The following PRMT8 variants were observed in gnomAD, a reference collection of about 807,000 sequenced individuals.
PRMT8 encodes protein arginine N-methyltransferase 8.
In PRMT8, 7 loss-of-function variants were observed where a neutral mutation model predicts 47.1. The observed-to-expected ratio is 0.15, with a 90% CI of 0.08 to 0.28. The LOEUF is 0.28. Among genes scored for constraint, PRMT8 ranks in the 10% least tolerant of loss-of-function variants. The pLI is 1.00. For missense variants in PRMT8, 237 were observed against 505.4 expected, an observed-to-expected ratio of 0.47 and a Z score of 5.09; for synonymous variants, 188 against 186.5, an observed-to-expected ratio of 1.01 and a Z score of -0.07.
At chr12:3,518,113 C>T (rs74057485) in intron 1 of PRMT8, among the ~76,000 whole-genome samples, 5,240 of 151,702 alleles carry the variant, frequency 0.035, 252 homozygotes, top group African/African-American at 0.11. Flanking sequence ...CGCTTGCCCC[C>T]CTCACCATAC....
At chr12:3,533,498 T>C (rs994729540) in intron 1 of PRMT8, among the ~76,000 whole-genome samples, 2 of 152,234 alleles carry the variant, frequency 1.3e-5, no homozygotes, top group Admixed American at 6.5e-5. Context: ...ATTTTATGGG[T>C]GGCCCAAGAC....
intron 1 of PRMT8, among the ~76,000 whole-genome samples, chr12:3,522,202 C>A (rs11062697): frequency 0.14 from 21,470 of 152,052 alleles, 1,724 homozygotes; most frequent in East Asian, 0.27. Context: ...GGACCACTAA[C>A]TTTCCTACTA....
intron 1 of PRMT8, among the ~76,000 whole-genome samples, chr12:3,420,412 C>T (rs1565403145): frequency 6.6e-6 from 1 of 152,160 alleles, no homozygotes; most frequent in Non-Finnish European, 1.5e-5. Context: ...TTTGGTTGCA[C>T]AGCCTATGAA....
At chr12:3,392,305 C>T (rs1318930868) in intron 1 of PRMT8, among the ~76,000 whole-genome samples, 1 of 151,680 alleles carries the variant, frequency 6.6e-6, no homozygotes, top group South Asian at 2.1e-4. Context: ...TGGTGTGCTG[C>T]ACCCGCTAAC....
intron 1 of PRMT8, among the ~76,000 whole-genome samples, chr12:3,416,021 G>A (rs1381675726): frequency 2.6e-5 from 4 of 152,214 alleles, no homozygotes; most frequent in African/African-American, 9.7e-5. Flanking sequence ...AGACATGGCT[G>A]TTGGTGGGAG....
chr12:3,442,270 A>G (rs1864810963), intron 1 of PRMT8, among the ~76,000 whole-genome samples: 1 of 152,234 alleles, frequency 6.6e-6, no homozygotes, highest in South Asian at 2.1e-4. Flanking sequence ...AGAGCTAACG[A>G]TAGGGTGGCT....
intron 7 of PRMT8, among the ~76,000 whole-genome samples, chr12:3,582,337 G>A (rs188630431): frequency 1.9e-4 from 29 of 152,184 alleles, no homozygotes; most frequent in Admixed American, 1.2e-3. Context: ...CATGTTCCAC[G>A]TTCCCCAGCC....
At chr12:3,408,923 G>A (rs1349923279) in intron 1 of PRMT8, among the ~76,000 whole-genome samples, 2 of 152,228 alleles carry the variant, frequency 1.3e-5, no homozygotes, top group Non-Finnish European at 2.9e-5. Flanking sequence ...AGTAGCAAGA[G>A]CTTTTGGGGT....
In PRMT8 at chr12:3,569,361, C is replaced by A; in HGVS notation, c.625-116C>A. The A allele has an allele frequency of 4.7e-6, 4 of 857,380 alleles. No individual in the cohort carries two copies. In the South Asian group the frequency reaches 5.5e-5, roughly 12 times the overall value. The allele number at this position is 857,380 out of a possible 1,614,324, so 53.1% of individuals were successfully genotyped here. A position where few individuals can be genotyped will look rare whatever the true frequency, so the allele number is the denominator to read the frequency against. ...CCCCAGACAAGGTGACAGTCCACTG[C>A]ATGAGAGATGGTGGCAAGGGGGTGC... On this transcript the variant is annotated intron_variant, in intron 5 of 9. Coordinates refer to ENST00000382622, the MANE Select transcript of PRMT8 (RefSeq NM_019854.5). The surrounding 1 kb of genome is among the most constrained non-coding windows in gnomAD (Gnocchi z 8.2).
intron 1 of PRMT8, among the ~76,000 whole-genome samples, chr12:3,533,148 C>T (rs973857277): frequency 1.3e-5 from 2 of 152,254 alleles, no homozygotes; most frequent in Non-Finnish European, 2.9e-5. Flanking sequence ...GGACAGCCGA[C>T]CCTCTGTGAC....
chr12:3,404,749 C>T (rs1311260085), intron 1 of PRMT8, among the ~76,000 whole-genome samples: 1 of 152,132 alleles, frequency 6.6e-6, no homozygotes, highest in Non-Finnish European at 1.5e-5. Context: ...ATTAAACTCT[C>T]TCTCTATGAG....
At chr12:3,577,644 G>A (rs1268130354) in intron 7 of PRMT8, among the ~76,000 whole-genome samples, 3 of 151,116 alleles carry the variant, frequency 2.0e-5, no homozygotes, top group Admixed American at 6.6e-5. Flanking sequence ...ACACAAATTC[G>A]TAAACTTAAA....
Position 3,409,710 on chromosome 12 carries a change from T to C in PRMT8, c.48+28268T>C, listed in dbSNP as rs1414817918. ...GCCACATCAGCTCAGCCCTGGAAGA[T>C]GCAGCTGCTCAGCTCATCCAAGGCA... On this transcript the variant is annotated intron_variant, in intron 1 of 9. Transcript: ENST00000452611. The surrounding 1 kb of genome is among the most constrained non-coding windows in gnomAD (Gnocchi z 4.4). 1.3e-5 allele frequency among the ~76,000 whole-genome samples: 2 copies of C among 152,154 alleles called. No homozygotes were observed. Among genetic ancestry groups the C allele is most frequent in the African/African-American group, 4.8e-5 (2 of 41,434 alleles).
intron 1 of PRMT8, among the ~76,000 whole-genome samples, chr12:3,506,580 T>C (rs1865628060): frequency 6.6e-6 from 1 of 152,200 alleles, no homozygotes; most frequent in African/African-American, 2.4e-5. Flanking sequence ...ACAGGCTGCC[T>C]ACCGCACTCC....
chr12:3,523,792 T>G (rs1865915517), intron 1 of PRMT8, among the ~76,000 whole-genome samples: 1 of 152,226 alleles, frequency 6.6e-6, no homozygotes, highest in African/African-American at 2.4e-5. Flanking sequence ...AGCCTATCAT[T>G]GCTCTTTCCT....
chr12:3,568,749 T>C lies in PRMT8; in HGVS notation c.525T>C (p.Pro175=). ...FKGKVEEVEL[P]VEKVDIIISE... is the part of the protein sequence containing the mutation. The stretch of plus-strand genomic sequence containing the variant: ...GTAAAGTGGAAGAGGTGGAGCTGCC[T>C]GTGGAGAAGGTGGACATCATCATCA... The change falls in exon 5 of 10, where the codon CCT becomes CCC. Residue 175 remains proline, a synonymous_variant. Coordinates refer to ENST00000382622, the MANE Select transcript of PRMT8 (RefSeq NM_019854.5). 1 of 1,614,174 alleles carries C rather than the reference T, an allele frequency of 6.2e-7. No homozygotes were observed. The highest frequency in any genetic ancestry group is 8.5e-7 in the Non-Finnish European group (1 of 1,180,026).
intron 8 of PRMT8, among the ~76,000 whole-genome samples, chr12:3,588,260 G>A (rs911356000): frequency 2.0e-5 from 3 of 152,178 alleles, no homozygotes; most frequent in Non-Finnish European, 4.4e-5. Flanking sequence ...TTGGTGCATA[G>A]TCCTCAATTC....
At chr12:3,565,661 C>T (rs1866707142) in intron 4 of PRMT8, among the ~76,000 whole-genome samples, 1 of 152,136 alleles carries the variant, frequency 6.6e-6, no homozygotes, top group African/African-American at 2.4e-5. Context: ...TTCTGTGACC[C>T]CCTATATCTA....
chr12:3,383,173 C>A (rs1269566852), intron 1 of PRMT8, among the ~76,000 whole-genome samples: 2 of 152,172 alleles, frequency 1.3e-5, no homozygotes, highest in African/African-American at 4.8e-5. Flanking sequence ...CTTTATTCTT[C>A]TATTTCAAAA....
Sources: gnomAD v4.1 joint callset for allele counts (sites outside exome capture counted in the v4.1 genomes callset) on GRCh38, gnomAD v4.1.1 for gene constraint, Gnocchi (gnomAD v3.1) non-coding constraint, MANE v1.5 for transcripts, NCBI Gene and HGNC (gene_info 2026-07-23, HGNC 2026-07-21) for gene names.